The following AP3D1 variants were observed in gnomAD, a reference collection of about 807,000 sequenced individuals.
AP3D1 encodes AP-3 complex subunit delta-1.
AP3D1 carries 51 observed loss-of-function variants against 147.6 expected under a neutral mutation model. The ratio of observed to expected loss-of-function variants is 0.35; its 90% CI spans 0.28 to 0.44. The LOEUF is 0.44. Among genes scored for constraint, AP3D1 ranks in the 20% least tolerant of loss-of-function variants. AP3D1 has a pLI of 1.00. For synonymous variants in AP3D1, 760 were observed against 663.0 expected (o/e 1.15, Z -2.25); for missense variants, 1,421 against 1,624.2 (o/e 0.87, Z 2.15).
intron 1 of AP3D1, among the ~76,000 whole-genome samples, chr19:2,144,905 A>AAAAC (rs377521482): frequency 5.1e-4 from 78 of 152,252 alleles, no homozygotes; most frequent in East Asian, 9.6e-4. Flanking sequence ...TATGTCTCCA[A>AAAAC]AAACAAACAA....
chr19:2,110,823 C>T lies in AP3D1; in HGVS notation c.3059G>A (p.Ser1020Asn). ...GAGCTCCATGCCCTTGAGGATGCTG[C>T]TGCTCCTGTTCTCCAGCACGATGGC... ...TVAIVLENRS[S>N]SILKGMELSV... is the part of the protein sequence containing the mutation. Residue 1020 changes from serine (S) to asparagine (N), a missense_variant, in exon 27 of 32, where the codon AGC becomes AAC. Physicochemically the swap from Ser to Asn is conservative, Grantham distance 46 (BLOSUM62 1). This residue lies in a region of AP3D1 where 791 missense variants were observed against 761.4 expected (regional missense o/e 1.04). Coordinates refer to ENST00000643116, the MANE Select transcript of AP3D1 (RefSeq NM_001261826.3). 6.2e-7 allele frequency: 1 copy of T among 1,613,658 alleles called. No individual in the cohort carries two copies. The highest frequency in any genetic ancestry group is 8.5e-7 in the Non-Finnish European group (1 of 1,180,006).
chr19:2,126,449 T>G (rs2018757245), intron 9 of AP3D1, among the ~76,000 whole-genome samples: 1 of 151,686 alleles, frequency 6.6e-6, no homozygotes, highest in Non-Finnish European at 1.5e-5. Flanking sequence ...AGGTCAGGAG[T>G]TCGAGACCAG....
intron 4 of AP3D1, among the ~76,000 whole-genome samples, chr19:2,136,330 C>G (rs536782644): frequency 6.6e-6 from 1 of 152,274 alleles, no homozygotes; most frequent in Admixed American, 6.5e-5. Context: ...ACTGTGGGGT[C>G]GACAACACAG....
At chr19:2,114,521 T>TC (rs1396185839) in intron 21 of AP3D1, among the ~76,000 whole-genome samples, 19 of 152,112 alleles carry the variant, frequency 1.2e-4, no homozygotes, top group Non-Finnish European at 4.4e-5. Flanking sequence ...CATGGAGACC[T>TC]CCCGAGCACC....
intron 27 of AP3D1, 94 bp from the exon 28 acceptor site, chr19:2,110,318 G>T: frequency 1.9e-6 from 2 of 1,065,754 alleles, no homozygotes; most frequent in South Asian, 1.3e-5. Context: ...AGTCCTCTGT[G>T]GCTGATTAGG....
chr19:2,161,256 G>A (rs1037375950), intron 1 of AP3D1, among the ~76,000 whole-genome samples: 1 of 150,052 alleles, frequency 6.7e-6, no homozygotes, highest in African/African-American at 2.5e-5. Context: ...CCGCCTCCCA[G>A]GTTCAAGCCA....
rs553381874 is a variant in AP3D1 at position 2,129,476 on chromosome 19, T to C, written c.593-19A>G. On this transcript the variant is annotated intron_variant, in intron 6 of 31. Coordinates refer to ENST00000643116, the MANE Select transcript of AP3D1 (RefSeq NM_001261826.3). ...TGAACCCCTGGGGAACAAGGGGTTC[T>C]CATCAGCATGCCTGTCCTTCCACCT... is the stretch of plus-strand genomic sequence containing the variant. The C allele has an allele frequency of 6.2e-7, 1 of 1,609,496 alleles. No homozygotes were observed. Among genetic ancestry groups the C allele is most frequent in the South Asian group, 1.1e-5 (1 of 90,852 alleles).
intron 24 of AP3D1, chr19:2,112,165 T>G (rs1451785275): frequency 5.4e-6 from 2 of 370,508 alleles, no homozygotes; most frequent in East Asian, 5.8e-5. Flanking sequence ...AACACACACA[T>G]CCACGCGCAC....
chr19:2,159,077 G>A (rs565173206), intron 1 of AP3D1, among the ~76,000 whole-genome samples: 28 of 152,132 alleles, frequency 1.8e-4, no homozygotes, highest in Admixed American at 1.7e-3. Context: ...TGCAACCTCC[G>A]ACTCCGGGCT....
In AP3D1 at chr19:2,110,732, G is replaced by T; in HGVS notation, c.3150C>A (p.Val1050=). The T allele has an allele frequency of 6.2e-7, 1 of 1,606,582 alleles. No homozygotes were observed. Among genetic ancestry groups the T allele is most frequent in the Non-Finnish European group, 8.5e-7 (1 of 1,177,802 alleles). Residue 1050 remains valine (V), a synonymous_variant, in exon 27 of 32, where the codon GTC becomes GTA. Coordinates refer to ENST00000643116, the MANE Select transcript of AP3D1 (RefSeq NM_001261826.3). ...CTGGGGGCAGCTGGAAAGGCACGGGGACGCCATCGTGGACGGAGGAGCCCT... is the reference window on the plus strand; with the variant it reads ...CTGGGGGCAGCTGGAAAGGCACGGGTACGCCATCGTGGACGGAGGAGCCCT... ...RPQGSSVHDG[V]PVPFQLPPGV... is the part of the protein sequence containing the mutation.
At chr19:2,135,978 C>A (rs1165989895) in intron 4 of AP3D1, among the ~76,000 whole-genome samples, 2 of 151,884 alleles carry the variant, frequency 1.3e-5, no homozygotes, top group African/African-American at 2.4e-5. Flanking sequence ...CGGCCACGAC[C>A]CAAGGAGACT....
rs745645829 is a variant in AP3D1, at chr19:2,121,759, C to T, written c.1076G>A (p.Arg359Gln). The change falls in exon 12 of 32, where the codon CGG (arginine) becomes CAG (glutamine). Residue 359 changes from arginine (R) to glutamine (Q), a missense_variant. Arg to Gln is a conservative substitution (Grantham distance 43). Transcript: ENST00000643116. ...CATCCCATAGAGCAGGTCCAGGGCC[C>T]GCAGCCGGATGGACTCGTCCTTGTC... is the stretch of plus-strand genomic sequence containing the variant. ...LDDKDESIRL[R>Q]ALDLLYGMVS... is the part of the protein sequence containing the mutation. 1.2e-6 allele frequency: 2 copies of T among 1,609,194 alleles called. No homozygotes were observed. Among genetic ancestry groups the T allele is most frequent in the Non-Finnish European group, 1.7e-6 (2 of 1,178,046 alleles).
At chr19:2,111,401 C>G in intron 25 of AP3D1, 69 bp from the exon 26 acceptor site, 3 of 1,567,966 alleles carry the variant, frequency 1.9e-6, no homozygotes, top group Non-Finnish European at 1.8e-6. Flanking sequence ...TCCAGTATGG[C>G]CCAATACCCC....
chr19:2,135,677 G>C lies in AP3D1; in HGVS notation c.354+1334C>G, dbSNP rs552387257. ...GAGGCCAGGCCAGGGGCAGGCACCA[G>C]GTCAGAGCCGCGCCCGACACACAGG... is the stretch of plus-strand genomic sequence containing the variant. On this transcript the variant is annotated intron_variant, in intron 4 of 31. Coordinates refer to ENST00000643116, the MANE Select transcript of AP3D1 (RefSeq NM_001261826.3). Among the ~76,000 whole-genome samples the C allele has an allele frequency of 1.5e-4, 23 of 152,280 alleles. No homozygotes were observed. In the South Asian group the frequency reaches 4.4e-3, roughly 29 times the overall value.
At chr19:2,163,558 G>A (rs1352904248) in intron 1 of AP3D1, among the ~76,000 whole-genome samples, 4 of 151,056 alleles carry the variant, frequency 2.6e-5, no homozygotes, top group Non-Finnish European at 5.9e-5. Flanking sequence ...TGGAGCTACA[G>A]CAAGTCCTGG....
intron 26 of AP3D1, 112 bp from the exon 27 acceptor site, chr19:2,111,008 A>G: frequency 8.2e-7 from 1 of 1,224,542 alleles, no homozygotes; most frequent in Non-Finnish European, 1.1e-6. Flanking sequence ...AGGCACAGGA[A>G]GGCACGGAGA....
intron 1 of AP3D1, among the ~76,000 whole-genome samples, chr19:2,141,965 T>C (rs1169922534): frequency 6.7e-6 from 1 of 149,838 alleles, no homozygotes; most frequent in East Asian, 1.9e-4. Context: ...CATATATTTA[T>C]GTATATACTT....
At position 2,148,164 on chromosome 19, in the gene AP3D1, G is replaced by A. The variant is rs201691976; in HGVS notation, c.96+3075C>T. ...TCCGTCTCAAAAAAAAAAAAAAAAA[G>A]AAAAAGAAAAAATGGAGAAAACTTT... On this transcript the variant is annotated intron_variant, in intron 1 of 31. Coordinates refer to ENST00000643116, the MANE Select transcript of AP3D1 (RefSeq NM_001261826.3). 6.1e-3 allele frequency among the ~76,000 whole-genome samples: 866 copies of A among 142,368 alleles called. 5 individuals carry two copies. Among genetic ancestry groups the A allele is most frequent in the African/African-American group, 0.02 (764 of 38,718 alleles). The allele number at this position is 142,368 out of a possible 152,430, so 93.4% of individuals were successfully genotyped here.
At chr19:2,164,197 C>A in intron 1 of AP3D1, 1 of 1,263,048 alleles carries the variant, frequency 7.9e-7, no homozygotes. Flanking sequence ...GGGGGAGAAG[C>A]TGGAGCTGAG....
Sources: gnomAD v4.1 joint callset for allele counts (sites outside exome capture counted in the v4.1 genomes callset) on GRCh38, gnomAD v4.1.1 for gene constraint, gnomAD v4.1.1 regional missense constraint, MANE v1.5 for transcripts, NCBI Gene and HGNC (gene_info 2026-07-23, HGNC 2026-07-21) for gene names.